The following PLAGL1 variants were observed in gnomAD, a reference collection of about 807,000 sequenced individuals.
PLAGL1 encodes the protein zinc finger protein PLAGL1.
A neutral mutation model predicts 4.6 loss-of-function variants in PLAGL1; 1 was observed. That is an observed-to-expected ratio of 0.22 (90% confidence interval 0.08 to 1.03). The LOEUF is 1.03. Ranked by LOEUF, PLAGL1 falls within the 50% of genes least tolerant of loss-of-function variation. The pLI is 0.58. For synonymous variants in PLAGL1, 240 were observed against 237.8 expected, an observed-to-expected ratio of 1.01 and a Z score of -0.08; for missense variants, 464 against 570.4, an observed-to-expected ratio of 0.81 and a Z score of 1.90.
In PLAGL1 at chr6:143,995,840, C is replaced by T. The variant is rs910701263; in HGVS notation, c.-583-10666G>A. Among the ~76,000 whole-genome samples, 4 of 151,956 alleles carry T rather than the reference C, an allele frequency of 2.6e-5. No individual in the cohort carries two copies. The highest frequency in any genetic ancestry group is 9.7e-5 in the African/African-American group (4 of 41,358). ...TAAAACAGAGGTTTTTGTTTCAAAG[C>T]CCAGTAATAATAAGTATTTCCATAA... On this transcript the variant is annotated intron_variant, in intron 1 of 7. Coordinates refer to ENST00000674357, the MANE Select transcript of PLAGL1 (RefSeq NM_001317162.2). The surrounding 1 kb of genome is among the most constrained non-coding windows in gnomAD (Gnocchi z 4.4).
chr6:143,962,631 C>T lies in PLAGL1; in HGVS notation c.-398-2089G>A, dbSNP rs1234850562. On this transcript the variant is annotated intron_variant, in intron 5 of 7. Coordinates refer to ENST00000674357, the MANE Select transcript of PLAGL1 (RefSeq NM_001317162.2). This position sits in a 1 kb window ranked among gnomAD's most constrained non-coding sequence, Gnocchi z 5.3. ...TCTAGGCATTTGCTTCTGAGAACAG[C>T]ATTTAAGAACCCGTCTTTTTCTCTC... Among the ~76,000 whole-genome samples, 1 of 152,214 alleles carries T rather than the reference C, an allele frequency of 6.6e-6. No individual in the cohort carries two copies. Among genetic ancestry groups the T allele is most frequent in the African/African-American group, 2.4e-5 (1 of 41,450 alleles).
rs1787339507 is a variant in PLAGL1 at position 143,979,184 on chromosome 6, T to C, written c.-544+5951A>G. On this transcript the variant is annotated intron_variant, in intron 2 of 7. Coordinates refer to ENST00000674357, the MANE Select transcript of PLAGL1 (RefSeq NM_001317162.2). This position sits in a 1 kb window ranked among gnomAD's most constrained non-coding sequence, Gnocchi z 4.6. ...TTTGTGTCTTTACACATGAAGTGCATTTTTTTGTAGGCAGCATATAGTTAG... is the reference window on the plus strand; with the variant it reads ...TTTGTGTCTTTACACATGAAGTGCACTTTTTTGTAGGCAGCATATAGTTAG... 6.6e-6 allele frequency among the ~76,000 whole-genome samples: 1 copy of C among 152,132 alleles called. No individual in the cohort carries two copies. The highest frequency in any genetic ancestry group is 6.5e-5 in the Admixed American group (1 of 15,274).
rs948637326 is a variant in PLAGL1, at chr6:143,985,098, G to A, written c.-544+37C>T. On this transcript the variant is annotated intron_variant, in intron 2 of 7. Transcript: ENST00000674357. This position sits in a 1 kb window ranked among gnomAD's most constrained non-coding sequence, Gnocchi z 4.4. ...AGTTATTAGAGAAGACAAGGTATTG[G>A]GGGAAGAGGATAAAAGAAACTGAAA... 6.6e-6 allele frequency: 1 copy of A among 152,140 alleles called. No individual in the cohort carries two copies. Among genetic ancestry groups the A allele is most frequent in the Non-Finnish European group, 1.5e-5 (1 of 68,010 alleles). The allele number at this position is 152,140 out of a possible 1,614,324, so 9.4% of individuals were successfully genotyped here.
In PLAGL1 at chr6:143,942,514, TTG is replaced by T; in HGVS notation, c.300_301del (p.Tyr100Ter). The T allele has an allele frequency of 6.2e-7, 1 of 1,614,092 alleles. No individual in the cohort carries two copies. Among genetic ancestry groups the T allele is most frequent in the Non-Finnish European group, 8.5e-7 (1 of 1,180,012 alleles). Reference sequence around the variant, plus strand: ...GTGCCTCTTATAGCCCAGCATGGTGTTGTACTTCTTCCCACACTCCTCACACC... The same window carrying T: ...GTGCCTCTTATAGCCCAGCATGGTGTTACTTCTTCCCACACTCCTCACACC... On this transcript the variant is annotated stop_gained and frameshift_variant, in exon 8 of 8. Coordinates refer to ENST00000674357, the MANE Select transcript of PLAGL1 (RefSeq NM_001317162.2). LOFTEE classifies it low-confidence loss of function (END_TRUNC). The surrounding 1 kb of genome is among the most constrained non-coding windows in gnomAD (Gnocchi z 7.6).
At chr6:144,043,038 T>A (rs1039938626) in intron 1 of PLAGL1, among the ~76,000 whole-genome samples, 1 of 152,208 alleles carries the variant, frequency 6.6e-6, no homozygotes, top group African/African-American at 2.4e-5. Flanking sequence ...TCCTAAGACT[T>A]TGCTGAAGTT....
At chr6:143,946,578 TATTAC>T (rs1390600394) in intron 7 of PLAGL1, among the ~76,000 whole-genome samples, 1 of 152,224 alleles carries the variant, frequency 6.6e-6, no homozygotes, top group African/African-American at 2.4e-5. Flanking sequence ...AAAACCAACT[TATTAC>T]ATTACATTAT....
In PLAGL1 at chr6:143,997,995, T is replaced by C. The variant is rs138404681; in HGVS notation, c.-584+10095A>G. ...TTATGAAAGATAATTAGACTCTTTT[T>C]ACCTTATCCATTGCCCAGCAAAGGT... On this transcript the variant is annotated intron_variant, in intron 1 of 7. Transcript: ENST00000674357. This position sits in a 1 kb window ranked among gnomAD's most constrained non-coding sequence, Gnocchi z 4.6. 1.1e-3 allele frequency among the ~76,000 whole-genome samples: 170 copies of C among 152,342 alleles called. No individual in the cohort carries two copies. The highest frequency in any genetic ancestry group is 3.8e-3 in the African/African-American group (160 of 41,570).
intron 1 of PLAGL1, among the ~76,000 whole-genome samples, chr6:144,046,537 C>T (rs1292613968): frequency 1.3e-5 from 2 of 152,038 alleles, no homozygotes; most frequent in Non-Finnish European, 2.9e-5. Context: ...AGCAAATATT[C>T]CTGGCTGATC....
At position 143,942,698 on chromosome 6, in the gene PLAGL1, T is replaced by G; in HGVS notation, c.153-35A>C. 1 of 1,538,180 alleles carries G rather than the reference T, an allele frequency of 6.5e-7. No individual in the cohort carries two copies. Among genetic ancestry groups the G allele is most frequent in the Non-Finnish European group, 8.9e-7 (1 of 1,128,202 alleles). ...GAAGGAGAAATTTCACAATAGAGAG[T>G]TGTTTTAAGAGCTGAAGAAAGGTGT... On this transcript the variant is annotated intron_variant, in intron 7 of 7. Coordinates refer to ENST00000674357, the MANE Select transcript of PLAGL1 (RefSeq NM_001317162.2). The surrounding 1 kb of genome is among the most constrained non-coding windows in gnomAD (Gnocchi z 7.6).
chr6:144,012,022 C>G (rs972579596), upstream of PLAGL1, among the ~76,000 whole-genome samples: 1 of 152,182 alleles, frequency 6.6e-6, no homozygotes, highest in African/African-American at 2.4e-5. The surrounding 1 kb of genome is among the most constrained non-coding windows in gnomAD (Gnocchi z 4.8). Context: ...TTTTCCTCAA[C>G]ATGTCTTGCA....
intron 1 of PLAGL1, among the ~76,000 whole-genome samples, chr6:144,030,850 T>C (rs1796770085): frequency 6.6e-6 from 1 of 152,228 alleles, no homozygotes; most frequent in Non-Finnish European, 1.5e-5. Context: ...TCTGGGTAGA[T>C]ACCCAGTAGT....
chr6:143,944,144 C>T (rs1779239796), intron 7 of PLAGL1, among the ~76,000 whole-genome samples: 1 of 152,182 alleles, frequency 6.6e-6, no homozygotes, highest in South Asian at 2.1e-4. Flanking sequence ...TGTGAGCTTT[C>T]ACGTTAGATA....
chr6:144,041,113 G>C (rs1202108354), intron 1 of PLAGL1, among the ~76,000 whole-genome samples: 1 of 152,108 alleles, frequency 6.6e-6, no homozygotes, highest in Non-Finnish European at 1.5e-5. Flanking sequence ...GTTAACAGTA[G>C]TAGTAGCCAT....
chr6:144,052,556 T>C (rs192748541), intron 1 of PLAGL1, among the ~76,000 whole-genome samples: 1 of 152,196 alleles, frequency 6.6e-6, no homozygotes. Flanking sequence ...CTAATAGATG[T>C]TGTTAAACAA....
chr6:144,037,613 C>A (rs945045996), intron 1 of PLAGL1: 1 of 151,930 alleles, frequency 6.6e-6, no homozygotes, highest in Non-Finnish European at 1.5e-5. Context: ...AAAAACAAAG[C>A]AGTTTTAGAA....
At position 143,990,361 on chromosome 6, in the gene PLAGL1, C is replaced by T. The variant is rs1017602330; in HGVS notation, c.-583-5187G>A. Among the ~76,000 whole-genome samples the T allele has an allele frequency of 3.9e-5, 6 of 152,130 alleles. No homozygotes were observed. The highest frequency in any genetic ancestry group is 7.4e-5 in the Non-Finnish European group (5 of 68,026). On this transcript the variant is annotated intron_variant, in intron 1 of 7. Transcript: ENST00000674357. This position sits in a 1 kb window ranked among gnomAD's most constrained non-coding sequence, Gnocchi z 5.4. Reference sequence around the variant, plus strand: ...GTCTCCATCCCCTGACCTCGGGATCCGCCCGCCTTGGCCTCCCAAAGTGCA... The same window carrying T: ...GTCTCCATCCCCTGACCTCGGGATCTGCCCGCCTTGGCCTCCCAAAGTGCA...
intron 1 of PLAGL1, among the ~76,000 whole-genome samples, chr6:144,014,994 G>A (rs182718474): frequency 1.3e-5 from 2 of 152,194 alleles, no homozygotes; most frequent in Non-Finnish European, 2.9e-5. Context: ...TGCATTTCAC[G>A]CCATTCACAA....
At chr6:144,032,878 C>T (rs1400169461) in intron 1 of PLAGL1, among the ~76,000 whole-genome samples, 1 of 152,114 alleles carries the variant, frequency 6.6e-6, no homozygotes, top group Non-Finnish European at 1.5e-5. Context: ...TTGGTTGCTA[C>T]TATGTTCCAG....
chr6:144,002,013 G>A (rs1017253436), intron 1 of PLAGL1, among the ~76,000 whole-genome samples: 2 of 152,044 alleles, frequency 1.3e-5, no homozygotes, highest in African/African-American at 4.8e-5. Flanking sequence ...GAACATTAGA[G>A]GGAAAACTGT....
Sources: allele counts gnomAD v4.1 joint callset (sites outside exome capture counted in the v4.1 genomes callset), GRCh38; gene constraint gnomAD v4.1.1; non-coding constraint Gnocchi (gnomAD v3.1); transcripts MANE v1.5; gene names NCBI Gene and HGNC (gene_info 2026-07-23, HGNC 2026-07-21).